Variants in ELP4 observed in about 807,000 individuals in gnomAD.
ELP4 encodes the protein elongator acetyltransferase complex subunit 4.
Under a neutral mutation model 48.9 loss-of-function variants are expected in ELP4, and 51 were observed. The observed-to-expected ratio is 1.04, with a 90% CI of 0.83 to 1.32. ELP4 has a LOEUF of 1.32. Among genes scored for constraint, ELP4 ranks in the 40% most tolerant of loss-of-function variants. ELP4 has a pLI of 0.00. For missense variants in ELP4, 519 were observed against 514.6 expected (o/e 1.01, Z -0.08); for synonymous variants, 210 against 189.2 (o/e 1.11, Z -0.90).
intron 3 of ELP4, among the ~76,000 whole-genome samples, chr11:31,587,296 C>G (rs1957492207): frequency 1.3e-5 from 2 of 152,142 alleles, no homozygotes; most frequent in Admixed American, 6.5e-5. Context: ...CTAAGTAACT[C>G]TGTGTCTGGT....
intron 7 of ELP4, among the ~76,000 whole-genome samples, chr11:31,635,008 A>T (rs1944943169): frequency 6.6e-6 from 1 of 152,014 alleles, no homozygotes; most frequent in Non-Finnish European, 1.5e-5. Context: ...CAATTGAGTT[A>T]TAAAAAACAA....
intron 9 of ELP4, among the ~76,000 whole-genome samples, chr11:31,713,797 GAAT>G (rs1315388141): frequency 6.6e-6 from 1 of 152,102 alleles, no homozygotes; most frequent in Non-Finnish European, 1.5e-5. Flanking sequence ...CAAAAGTAGA[GAAT>G]AATATAATAA....
At chr11:31,539,856 G>T in intron 3 of ELP4, 73 bp downstream of exon 3, 2 of 1,280,182 alleles carry the variant, frequency 1.6e-6, no homozygotes, top group Non-Finnish European at 2.1e-6. Context: ...ATGTAAACAA[G>T]ATATATGTTT....
At chr11:31,537,751 C>T (rs1956524516) in intron 2 of ELP4, among the ~76,000 whole-genome samples, 1 of 152,140 alleles carries the variant, frequency 6.6e-6, no homozygotes, top group African/African-American at 2.4e-5. Context: ...GGAAATCCAC[C>T]ACCATGAACC....
intron 4 of ELP4, among the ~76,000 whole-genome samples, chr11:31,601,179 C>CT (rs954067398): frequency 6.8e-6 from 1 of 148,026 alleles, no homozygotes; most frequent in Non-Finnish European, 1.5e-5. Flanking sequence ...ATGTAGTTAT[C>CT]TTTTTTAGAG....
chr11:31,578,601 A>G (rs941830730), intron 3 of ELP4, among the ~76,000 whole-genome samples: 1 of 152,188 alleles, frequency 6.6e-6, no homozygotes, highest in African/African-American at 2.4e-5. Context: ...ATATAGATCA[A>G]TGGAACAGAA....
chr11:31,653,961 C>T (rs1219211954), intron 9 of ELP4: 1 of 151,620 alleles, frequency 6.6e-6, no homozygotes, highest in African/African-American at 2.4e-5. Flanking sequence ...AATATGGCTG[C>T]ATGTTTGATG....
chr11:31,615,519 GATAA>G (rs1221512992), intron 5 of ELP4, among the ~76,000 whole-genome samples: 1 of 151,582 alleles, frequency 6.6e-6, no homozygotes, highest in African/African-American at 2.4e-5. Flanking sequence ...TTTATTAGAA[GATAA>G]ATCAATAAAG....
Position 31,785,854 on chromosome 11 carries a change from A to G in ELP4, c.*2330A>G, listed in dbSNP as rs1948577772. The G allele has an allele frequency of 5.1e-6, 1 of 195,662 alleles. No homozygotes were observed. Among genetic ancestry groups the G allele is most frequent in the Non-Finnish European group, 1.1e-5 (1 of 94,210 alleles). 12.1% of individuals were successfully genotyped at this position (195,662 alleles called of 1,614,324 possible). Reference sequence around the variant, plus strand: ...TATGAAATATACACTCCATTAACAGATTTTTTTTAATTATCAGCTTGACTC... The same window carrying G: ...TATGAAATATACACTCCATTAACAGGTTTTTTTTAATTATCAGCTTGACTC... On this transcript the variant is annotated 3_prime_UTR_variant, in exon 10 of 10. Coordinates refer to ENST00000640961, the MANE Select transcript of ELP4 (RefSeq NM_019040.5).
intron 5 of ELP4, among the ~76,000 whole-genome samples, chr11:31,613,813 A>G (rs1396432804): frequency 1.3e-5 from 2 of 151,010 alleles, no homozygotes; most frequent in Admixed American, 6.6e-5. Flanking sequence ...GGTTCAAGCA[A>G]TTCTCCTGCC....
chr11:31,540,221 A>G (rs1956570841), intron 3 of ELP4, among the ~76,000 whole-genome samples: 3 of 152,224 alleles, frequency 2.0e-5, no homozygotes, highest in South Asian at 4.1e-4. Context: ...GCTTTTCTAT[A>G]CTACTAACAA....
At chr11:31,590,848 T>C (rs745777509) in intron 3 of ELP4, among the ~76,000 whole-genome samples, 15 of 152,270 alleles carry the variant, frequency 9.9e-5, no homozygotes, top group Middle Eastern at 3.4e-3. Context: ...AAACCATTCA[T>C]GAGCAATCCG....
chr11:31,578,547 G>C (rs1957329063), intron 3 of ELP4, among the ~76,000 whole-genome samples: 1 of 152,136 alleles, frequency 6.6e-6, no homozygotes, highest in Non-Finnish European at 1.5e-5. Flanking sequence ...TATACTGCAA[G>C]GCTACAGTAA....
intron 6 of ELP4, chr11:31,628,414 G>A: frequency 7.0e-6 from 1 of 142,486 alleles, no homozygotes; most frequent in Non-Finnish European, 1.5e-5. Context: ...AATCCCAAAA[G>A]CAAAGGTAAT....
intron 9 of ELP4, among the ~76,000 whole-genome samples, chr11:31,782,160 T>C (rs1002575282): frequency 6.6e-6 from 1 of 152,358 alleles, no homozygotes; most frequent in Non-Finnish European, 1.5e-5. Context: ...TTTTCATAAA[T>C]TATTTTTAGT....
chr11:31,669,324 G>A (rs1216408865), intron 9 of ELP4, among the ~76,000 whole-genome samples: 5 of 151,894 alleles, frequency 3.3e-5, no homozygotes, highest in African/African-American at 4.8e-5. Context: ...AACCTCGTCC[G>A]CCTGCCTCGG....
intron 9 of ELP4, among the ~76,000 whole-genome samples, chr11:31,744,166 C>T (rs1011636241): frequency 2.0e-5 from 3 of 152,166 alleles, no homozygotes; most frequent in Admixed American, 6.5e-5. Context: ...TTCCTCAACA[C>T]GTACATCCAC....
At chr11:31,549,882 C>T (rs1170321305) in intron 3 of ELP4, among the ~76,000 whole-genome samples, 1 of 151,994 alleles carries the variant, frequency 6.6e-6, no homozygotes, top group African/African-American at 2.4e-5. Context: ...TAATCTATCG[C>T]AAGAACAAAA....
Position 31,789,625 on chromosome 11 carries a change from C to T in ELP4, c.*6101C>T. 1.5e-6 allele frequency: 1 copy of T among 679,778 alleles called. No homozygotes were observed. The highest frequency in any genetic ancestry group is 1.6e-5 in the South Asian group (1 of 63,054). The allele number at this position is 679,778 out of a possible 1,614,324, so 42.1% of individuals were successfully genotyped here. ...TGACCAACACAGATCAAACATCCATCCAGTCTACATTGTTCTTTTTTTCAT... is the reference window on the plus strand; with the variant it reads ...TGACCAACACAGATCAAACATCCATTCAGTCTACATTGTTCTTTTTTTCAT... On this transcript the variant is annotated 3_prime_UTR_variant, in exon 10 of 10. Coordinates refer to ENST00000640961, the MANE Select transcript of ELP4 (RefSeq NM_019040.5).
Sources: allele counts gnomAD v4.1 joint callset (sites outside exome capture counted in the v4.1 genomes callset), GRCh38; gene constraint gnomAD v4.1.1; transcripts MANE v1.5; gene names NCBI Gene and HGNC (gene_info 2026-07-23, HGNC 2026-07-21).